Variants in DOCK10 observed in about 807,000 individuals in gnomAD.
DOCK10 encodes dedicator of cytokinesis 10.
Under a neutral mutation model 280.1 loss-of-function variants are expected in DOCK10, and 145 were observed. The ratio of observed to expected loss-of-function variants is 0.52; its 90% CI spans 0.45 to 0.59. The LOEUF (loss-of-function observed/expected upper bound fraction) is 0.59. Among genes scored for constraint, DOCK10 ranks in the 20% least tolerant of loss-of-function variants. DOCK10 has a pLI of 0.00. For synonymous variants in DOCK10, 915 were observed against 942.2 expected (o/e 0.97, Z 0.53); for missense variants, 2,368 against 2,651.7 (o/e 0.89, Z 2.35).
intron 17 of DOCK10, 87 bp downstream of exon 17, chr2:224,852,848 A>G: frequency 8.5e-7 from 1 of 1,169,614 alleles, no homozygotes; most frequent in Non-Finnish European, 1.2e-6. Context: ...GCCCCATAGT[A>G]ATTTGTATTT....
chr2:224,781,295 C>A (rs1040903962), intron 50 of DOCK10, among the ~76,000 whole-genome samples: 9 of 152,124 alleles, frequency 5.9e-5, no homozygotes, highest in Non-Finnish European at 1.0e-4. Context: ...GTGATTGGAA[C>A]CTTTTTCTAA....
At chr2:224,851,315 C>A (rs1002833030) in intron 18 of DOCK10, among the ~76,000 whole-genome samples, 5 of 152,100 alleles carry the variant, frequency 3.3e-5, no homozygotes, top group African/African-American at 1.2e-4. Context: ...GCTCTACAGG[C>A]CAAACGTGCT....
intron 50 of DOCK10, among the ~76,000 whole-genome samples, chr2:224,785,962 T>C (rs2125070900): frequency 6.6e-6 from 1 of 152,142 alleles, no homozygotes; most frequent in Middle Eastern, 3.4e-3. Context: ...TTTGGAAGAC[T>C]AAGGTGGGTG....
intron 1 of DOCK10, among the ~76,000 whole-genome samples, chr2:224,993,667 C>A (rs116449913): frequency 4.6e-5 from 7 of 152,112 alleles, no homozygotes; most frequent in Admixed American, 4.6e-4. Flanking sequence ...TATTTTCAAG[C>A]GTAACTGAAT....
intron 43 of DOCK10, 29 bp downstream of exon 43, chr2:224,796,935 C>A: frequency 6.2e-7 from 1 of 1,600,076 alleles, no homozygotes; most frequent in Non-Finnish European, 8.5e-7. Flanking sequence ...GTTTTAACAA[C>A]AGCATTAATG....
intron 41 of DOCK10, among the ~76,000 whole-genome samples, chr2:224,799,091 C>T (rs1692797567): frequency 6.6e-6 from 1 of 152,166 alleles, no homozygotes; most frequent in African/African-American, 2.4e-5. Flanking sequence ...CCCATGAAAC[C>T]ATCACCACAA....
chr2:224,815,785 C>T (rs1694090937), intron 30 of DOCK10, among the ~76,000 whole-genome samples: 2 of 152,130 alleles, frequency 1.3e-5, no homozygotes. Flanking sequence ...CCTGTAATCC[C>T]AGCACTTTCA....
intron 21 of DOCK10, 111 bp downstream of exon 21, chr2:224,845,092 A>T: frequency 8.7e-7 from 1 of 1,148,888 alleles, no homozygotes; most frequent in Non-Finnish European, 1.2e-6. Context: ...CTTGATTCAT[A>T]GCTACAAGGG....
At chr2:224,803,644 C>G (rs1693161799) in intron 39 of DOCK10, among the ~76,000 whole-genome samples, 1 of 152,082 alleles carries the variant, frequency 6.6e-6, no homozygotes, top group Non-Finnish European at 1.5e-5. Flanking sequence ...CATGCTTCCT[C>G]ATTGCCTTTG....
intron 13 of DOCK10, 115 bp from the exon 14 acceptor site, chr2:224,862,861 G>A (rs1697610677): frequency 1.6e-6 from 1 of 624,798 alleles, no homozygotes; most frequent in Non-Finnish European, 2.6e-6. Flanking sequence ...GCGTAACTGT[G>A]TCTTACTAGC....
At chr2:224,793,702 G>T (rs1049402463) in intron 45 of DOCK10, among the ~76,000 whole-genome samples, 2 of 152,138 alleles carry the variant, frequency 1.3e-5, no homozygotes, top group African/African-American at 2.4e-5. Flanking sequence ...CTGGCCCAAA[G>T]AATTTTCCCA....
Position 225,034,642 on chromosome 2 carries a change from C to A in DOCK10, c.123+7610G>T, listed in dbSNP as rs564082198. Among the ~76,000 whole-genome samples, 4 of 152,284 alleles carry A rather than the reference C, an allele frequency of 2.6e-5. No homozygotes were observed. The East Asian group carries it at 5.8e-4, about 22-fold the overall frequency. On this transcript the variant is annotated intron_variant, in intron 1 of 55. Transcript: ENST00000258390. ...ATGTGCACTAAGAAGAGGGACTCCA[C>A]CCCTCTTATTTCCCAATAGCAAATA...
At chr2:224,844,313 A>G (rs920749975) in intron 22 of DOCK10, among the ~76,000 whole-genome samples, 2 of 152,158 alleles carry the variant, frequency 1.3e-5, no homozygotes, top group Admixed American at 1.3e-4. Context: ...TATTTTTAGT[A>G]GAGATGGGGT....
At chr2:224,945,363 A>G (rs918342654) in intron 1 of DOCK10, among the ~76,000 whole-genome samples, 3 of 152,162 alleles carry the variant, frequency 2.0e-5, no homozygotes, top group African/African-American at 7.2e-5. Context: ...TTTCTGACCA[A>G]TGGGGAGAAA....
Position 224,805,106 on chromosome 2 carries a change from C to G in DOCK10, c.4070G>C (p.Trp1357Ser). The G allele has an allele frequency of 2.5e-6, 4 of 1,611,690 alleles. No homozygotes were observed. Among genetic ancestry groups the G allele is most frequent in the Non-Finnish European group, 2.5e-6 (3 of 1,178,952 alleles). Residue 1357 changes from tryptophan to serine, a missense_variant, in exon 37 of 56, where the codon TGG becomes TCG. Coordinates refer to ENST00000258390, the MANE Select transcript of DOCK10 (RefSeq NM_014689.3). This position sits in a 1 kb window ranked among gnomAD's most constrained non-coding sequence, Gnocchi z 4.3. The stretch of plus-strand genomic sequence containing the variant: ...CACCTCTGGGCTGGGAGCTCTCTGC[C>G]AGTAGGCAATCAGAGTCTCTAAAAG... ...TISYETLIAYWQRAPSPEVSD... is the reference protein window; with the variant it reads ...TISYETLIAYSQRAPSPEVSD...
intron 18 of DOCK10, among the ~76,000 whole-genome samples, chr2:224,850,483 G>C (rs755206611): frequency 1.3e-5 from 2 of 152,092 alleles, no homozygotes; most frequent in East Asian, 3.9e-4. Context: ...CTGGGACAAC[G>C]GTCAGTGTTT....
intron 4 of DOCK10, among the ~76,000 whole-genome samples, chr2:224,892,422 AG>A (rs1258338462): frequency 8.2e-6 from 1 of 121,436 alleles, no homozygotes; most frequent in East Asian, 2.2e-4. Context: ...AAAAAAAAAA[AG>A]AAAGAAAGAA....
At chr2:225,041,850 C>A (rs77763325) in intron 1 of DOCK10, among the ~76,000 whole-genome samples, 2,107 of 152,230 alleles carry the variant, frequency 0.014, 51 homozygotes, top group African/African-American at 0.047. Flanking sequence ...ACGCGCAGAC[C>A]TCCGGACTCA....
In DOCK10 at chr2:224,796,434, A is replaced by G. The variant is rs1349907199; in HGVS notation, c.4828-8T>C. ...GCTCACAGCTTTGATGAGCTAGAAA[A>G]GAAAAAAAATGAACTCTCAAAAACA... On this transcript the variant is annotated splice_polypyrimidine_tract_variant and splice_region_variant and intron_variant, in intron 43 of 55. Transcript: ENST00000258390. 3.3e-6 allele frequency: 5 copies of G among 1,537,148 alleles called. No homozygotes were observed. In the South Asian group the frequency reaches 6.0e-5, roughly 18 times the overall value.
Sources: gnomAD v4.1 joint callset for allele counts (sites outside exome capture counted in the v4.1 genomes callset) on GRCh38, gnomAD v4.1.1 for gene constraint, Gnocchi (gnomAD v3.1) non-coding constraint, MANE v1.5 for transcripts, NCBI Gene and HGNC (gene_info 2026-07-23, HGNC 2026-07-21) for gene names.